Variants in PRKN observed in about 807,000 individuals in gnomAD.
PRKN encodes E3 ubiquitin-protein ligase parkin.
In PRKN, 56 loss-of-function variants were observed where a neutral mutation model predicts 59.5. The observed-to-expected ratio is 0.94, with a 90% CI of 0.76 to 1.18. The LOEUF is 1.18. Ranked by LOEUF, PRKN falls within the 50% of genes most tolerant of loss-of-function variation. The pLI is 0.00. For synonymous variants in PRKN, 250 were observed against 222.1 expected (o/e 1.13, Z -1.12); for missense variants, 657 against 596.4 (o/e 1.10, Z -1.06).
At chr6:162,291,397 G>A (rs572249187) in intron 2 of PRKN, among the ~76,000 whole-genome samples, 6 of 151,768 alleles carry the variant, frequency 4.0e-5, no homozygotes, top group Non-Finnish European at 7.4e-5. Context: ...TGTCACAAGA[G>A]GGATGGGTGG....
intron 7 of PRKN, among the ~76,000 whole-genome samples, chr6:161,577,140 T>C (rs1235711934): frequency 6.6e-6 from 1 of 152,226 alleles, no homozygotes; most frequent in Admixed American, 6.5e-5. Flanking sequence ...AATACTTCTA[T>C]GATGCTTAGT....
At chr6:162,480,607 G>A (rs540006976) in intron 1 of PRKN, among the ~76,000 whole-genome samples, 6 of 152,056 alleles carry the variant, frequency 3.9e-5, no homozygotes, top group East Asian at 1.9e-4. Flanking sequence ...AGAGACCAGC[G>A]GACGGGGACT....
chr6:162,607,182 T>C (rs999259792), intron 1 of PRKN, among the ~76,000 whole-genome samples: 11 of 152,128 alleles, frequency 7.2e-5, no homozygotes, highest in Non-Finnish European at 1.3e-4. Flanking sequence ...AGACTAGAGA[T>C]TGATTCATGA....
intron 7 of PRKN, among the ~76,000 whole-genome samples, chr6:161,654,194 T>G (rs2128162898): frequency 6.6e-6 from 1 of 152,280 alleles, no homozygotes; most frequent in South Asian, 2.1e-4. Context: ...CAATAAAAAT[T>G]TAGCCAATTT....
At chr6:161,945,714 C>G (rs955905849) in intron 6 of PRKN, among the ~76,000 whole-genome samples, 3 of 152,288 alleles carry the variant, frequency 2.0e-5, no homozygotes, top group Middle Eastern at 3.4e-3. Context: ...CTCTCTACCC[C>G]CTACCTTTCA....
intron 9 of PRKN, among the ~76,000 whole-genome samples, chr6:161,505,094 C>T (rs13214477): frequency 0.8 from 120,587 of 151,454 alleles, 48,265 homozygotes; most frequent in Middle Eastern, 0.87. Context: ...CCTGAGGAAT[C>T]GCCACACTGA....
intron 1 of PRKN, among the ~76,000 whole-genome samples, chr6:162,646,288 TCATAGA>T (rs1778183741): frequency 6.6e-6 from 1 of 151,656 alleles, no homozygotes; most frequent in Non-Finnish European, 1.5e-5. Flanking sequence ...TTTTATTTTT[TCATAGA>T]CAGAGTCTCT....
At chr6:162,312,354 C>T in intron 2 of PRKN, among the ~76,000 whole-genome samples, 1 of 152,018 alleles carries the variant, frequency 6.6e-6, no homozygotes, top group East Asian at 1.9e-4. Context: ...CTGTAACTGG[C>T]TTCTGTTCAT....
At chr6:161,946,173 A>G (rs1779766496) in intron 6 of PRKN, among the ~76,000 whole-genome samples, 1 of 152,138 alleles carries the variant, frequency 6.6e-6, no homozygotes. Flanking sequence ...TATGCTTAGT[A>G]TTTCAATAAA....
intron 9 of PRKN, among the ~76,000 whole-genome samples, chr6:161,412,607 T>C (rs1478706565): frequency 3.5e-5 from 5 of 141,190 alleles, no homozygotes; most frequent in Non-Finnish European, 7.6e-5. Flanking sequence ...CTTTCTAACT[T>C]ATTCCTCCAC....
At chr6:161,508,187 T>C (rs1333159882) in intron 9 of PRKN, among the ~76,000 whole-genome samples, 2 of 152,144 alleles carry the variant, frequency 1.3e-5, no homozygotes, top group Non-Finnish European at 1.5e-5. Flanking sequence ...GTTAATTCAA[T>C]AGCAAAAAAA....
At chr6:162,449,856 G>A (rs1396404994) in intron 1 of PRKN, among the ~76,000 whole-genome samples, 1 of 152,154 alleles carries the variant, frequency 6.6e-6, no homozygotes, top group Non-Finnish European at 1.5e-5. Flanking sequence ...TTCTTGAAAA[G>A]CCATAGAAGA....
rs1406819437 is a variant in PRKN, at chr6:162,443,365, TC to T, written c.115del (p.Asp39ThrfsTer5). 5 of 1,613,404 alleles carry T rather than the reference TC, an allele frequency of 3.1e-6. No homozygotes were observed. The highest frequency in any genetic ancestry group is 4.2e-6 in the Non-Finnish European group (5 of 1,180,022). On this transcript the variant is annotated frameshift_variant, in exon 2 of 12. Transcript: ENST00000366898. LOFTEE classifies it high-confidence loss of function. ...VVAKRQGVPA[D>X]QLRVIFAGKE... ...CCCTGCGAAAATCACACGCAACTGG[TC>T]AGCCGGAACCCCCTGTCGCTTAGCA...
rs1022898262 is a variant in PRKN, at chr6:161,359,336, G to C, written c.1285+752C>G. On this transcript the variant is annotated intron_variant, in intron 11 of 11. Transcript: ENST00000366898. This position sits in a 1 kb window ranked among gnomAD's most constrained non-coding sequence, Gnocchi z 5.4. The stretch of plus-strand genomic sequence containing the variant: ...GACATAACTGAAAAGAGAGAGGCTT[G>C]AGTGCCCATCCTGGGATGGCCGGGC... Among the ~76,000 whole-genome samples, 1 of 152,334 alleles carries C rather than the reference G, an allele frequency of 6.6e-6. No individual in the cohort carries two copies. Among genetic ancestry groups the C allele is most frequent in the Non-Finnish European group, 1.5e-5 (1 of 68,018 alleles).
intron 4 of PRKN, among the ~76,000 whole-genome samples, chr6:162,094,815 A>G (rs1284366476): frequency 6.6e-6 from 1 of 152,232 alleles, no homozygotes; most frequent in Non-Finnish European, 1.5e-5. Context: ...ATGTAAATTT[A>G]GGAGGGAAAT....
intron 4 of PRKN, among the ~76,000 whole-genome samples, chr6:162,095,149 C>A (rs1325663336): frequency 1.3e-5 from 2 of 152,198 alleles, no homozygotes; most frequent in Admixed American, 1.3e-4. Context: ...AGAATTACTA[C>A]AAGTGAATTC....
intron 3 of PRKN, among the ~76,000 whole-genome samples, chr6:162,204,714 G>GTT (rs35258663): frequency 0.046 from 6,758 of 148,198 alleles, 231 homozygotes; most frequent in Middle Eastern, 0.074. Context: ...CAGAAGTTTT[G>GTT]TTTTTTTTTT....
rs1786463935 is a variant in PRKN at position 161,390,633 on chromosome 6, C to T, written c.1084-3756G>A. 6.6e-6 allele frequency among the ~76,000 whole-genome samples: 1 copy of T among 152,028 alleles called. No homozygotes were observed. Among genetic ancestry groups the T allele is most frequent in the African/African-American group, 2.4e-5 (1 of 41,374 alleles). On this transcript the variant is annotated intron_variant, in intron 9 of 11. Coordinates refer to ENST00000366898, the MANE Select transcript of PRKN (RefSeq NM_004562.3). The surrounding 1 kb of genome is among the most constrained non-coding windows in gnomAD (Gnocchi z 7.0). ...CCTCCTGAGTAGCTGGGACTACAGG[C>T]GCCTGCCACCACGCCCGGCTAATTT...
chr6:161,721,295 G>C (rs1787211102), intron 7 of PRKN, among the ~76,000 whole-genome samples: 1 of 151,698 alleles, frequency 6.6e-6, no homozygotes, highest in Admixed American at 6.6e-5. Context: ...ATGCAGAATA[G>C]AGAGAACATT....
Sources: allele counts gnomAD v4.1 joint callset (sites outside exome capture counted in the v4.1 genomes callset), GRCh38; gene constraint gnomAD v4.1.1; non-coding constraint Gnocchi (gnomAD v3.1); transcripts MANE v1.5; gene names NCBI Gene and HGNC (gene_info 2026-07-23, HGNC 2026-07-21).